The following KCTD16 variants were observed in gnomAD, a reference collection of about 807,000 sequenced individuals.
The protein encoded by KCTD16 is BTB/POZ domain-containing protein KCTD16.
KCTD16 carries 13 observed loss-of-function variants against 33.2 expected under a neutral mutation model. The ratio of observed to expected loss-of-function variants is 0.39; its 90% CI spans 0.25 to 0.62. The LOEUF is 0.62. Among genes scored for constraint, KCTD16 ranks in the 20% least tolerant of loss-of-function variants. The probability of loss-of-function intolerance (pLI) is 0.50; values close to 1 mark genes in which losing one functional copy is unlikely to be tolerated. For missense variants in KCTD16, 441 were observed against 525.1 expected (o/e 0.84, Z 1.57); for synonymous variants, 197 against 195.3 (o/e 1.01, Z -0.07).
intron 3 of KCTD16, among the ~76,000 whole-genome samples, chr5:144,405,216 A>G (rs1460072948): frequency 6.6e-6 from 1 of 152,200 alleles, no homozygotes. Context: ...TAAATTAACA[A>G]TCCATGTTAA....
At chr5:144,266,783 T>A (rs1050217264) in intron 3 of KCTD16, among the ~76,000 whole-genome samples, 13 of 86,704 alleles carry the variant, frequency 1.5e-4, no homozygotes, top group Admixed American at 1.2e-3. Context: ...AAGATTTCTA[T>A]TTTTTTTTTA....
chr5:144,460,280 A>G (rs1165907415), intron 3 of KCTD16, among the ~76,000 whole-genome samples: 1 of 152,022 alleles, frequency 6.6e-6, no homozygotes, highest in Non-Finnish European at 1.5e-5. Context: ...TAAATACATG[A>G]TCTTCACAGG....
intron 2 of KCTD16, among the ~76,000 whole-genome samples, chr5:144,179,488 AGT>A (rs1752574419): frequency 6.6e-6 from 1 of 152,086 alleles, no homozygotes; most frequent in Non-Finnish European, 1.5e-5. Flanking sequence ...CCAGGCTGTG[AGT>A]GTATGTGATT....
At position 144,311,490 on chromosome 5, in the gene KCTD16, A is replaced by G. The variant is rs115526895; in HGVS notation, c.832+103944A>G. On this transcript the variant is annotated intron_variant, in intron 3 of 3. Transcript: ENST00000512467. ...CGTAATTAGAAATAGATGCAAAGATATATAGATATAGATATCAAGAGGTGT... is the reference window on the plus strand; with the variant it reads ...CGTAATTAGAAATAGATGCAAAGATGTATAGATATAGATATCAAGAGGTGT... Among the ~76,000 whole-genome samples the G allele has an allele frequency of 9.1e-4, 139 of 152,316 alleles. 1 individual carries two copies. Among genetic ancestry groups the G allele is most frequent in the African/African-American group, 3.2e-3 (135 of 41,578 alleles).
At chr5:144,273,680 A>G (rs900567124) in intron 3 of KCTD16, among the ~76,000 whole-genome samples, 12 of 151,986 alleles carry the variant, frequency 7.9e-5, no homozygotes, top group African/African-American at 2.9e-4. Context: ...TCACAAAAAG[A>G]CAAATACTTT....
At chr5:144,417,677 C>T (rs1753095747) in intron 3 of KCTD16, among the ~76,000 whole-genome samples, 1 of 151,978 alleles carries the variant, frequency 6.6e-6, no homozygotes, top group African/African-American at 2.4e-5. Flanking sequence ...ATTACCAAAC[C>T]CAAGGTCATG....
intron 3 of KCTD16, among the ~76,000 whole-genome samples, chr5:144,390,372 G>T (rs1375005091): frequency 6.6e-6 from 1 of 152,162 alleles, no homozygotes; most frequent in Non-Finnish European, 1.5e-5. Context: ...TTGGATCTCA[G>T]AAGAGAGGGA....
intron 3 of KCTD16, among the ~76,000 whole-genome samples, chr5:144,427,433 C>G (rs1484043469): frequency 6.6e-6 from 1 of 152,040 alleles, no homozygotes; most frequent in Admixed American, 6.6e-5. Flanking sequence ...CTCCAGAACC[C>G]CTATTGTGTT....
At chr5:144,407,198 C>A (rs1049458508) in intron 3 of KCTD16, among the ~76,000 whole-genome samples, 1 of 98,542 alleles carries the variant, frequency 1.0e-5, no homozygotes, top group African/African-American at 4.7e-5. Context: ...TAAAAAAATT[C>A]CTGTTTTTTT....
At chr5:144,448,453 T>C (rs1250283280) in intron 3 of KCTD16, among the ~76,000 whole-genome samples, 1 of 152,062 alleles carries the variant, frequency 6.6e-6, no homozygotes, top group Admixed American at 6.6e-5. Flanking sequence ...GGAAAGTTTG[T>C]TGAGAAGGAT....
intron 3 of KCTD16, among the ~76,000 whole-genome samples, chr5:144,456,803 A>G (rs1271815006): frequency 1.3e-5 from 2 of 152,040 alleles, no homozygotes; most frequent in South Asian, 2.1e-4. Flanking sequence ...AAACAAAACA[A>G]TAAAAATCCT....
chr5:144,381,473 C>T (rs1752213289), intron 3 of KCTD16, among the ~76,000 whole-genome samples: 1 of 152,144 alleles, frequency 6.6e-6, no homozygotes, highest in African/African-American at 2.4e-5. Context: ...GCTCTGCAGG[C>T]TTGGAAGCAT....
In KCTD16 at chr5:144,474,092, T is replaced by A. The variant is rs759578290; in HGVS notation, c.1265T>A (p.Leu422His). 1 of 1,611,962 alleles carries A rather than the reference T, an allele frequency of 6.2e-7. No individual in the cohort carries two copies. ...AGAAAACATCCTTGGCAATCTGAAC[T>A]TTTAAGGAAGTATCATCTATAAGGG... ...PERKHPWQSELLRKYHL is the reference protein window; with the variant it reads ...PERKHPWQSEHLRKYHL The change falls in exon 4 of 4, where the codon CTT becomes CAT. Residue 422 changes from leucine to histidine, a missense_variant. Leu to His is a moderately conservative substitution (Grantham distance 99, BLOSUM62 -3). Around this residue, in one of 3 missense-constraint regions of KCTD16, gnomAD observed 355 missense variants for 413.0 expected, o/e 0.86. Transcript: ENST00000512467.
intron 3 of KCTD16, among the ~76,000 whole-genome samples, chr5:144,209,787 A>AATATATAT (rs10628313): frequency 4.7e-4 from 66 of 141,060 alleles, no homozygotes; most frequent in African/African-American, 1.6e-3. Flanking sequence ...CTTAGGGGGA[A>AATATATAT]ATATATATAT....
At chr5:144,173,643 G>T (rs1267727301) in intron 1 of KCTD16, among the ~76,000 whole-genome samples, 2 of 152,068 alleles carry the variant, frequency 1.3e-5, no homozygotes, top group Admixed American at 6.5e-5. Context: ...TGCCTGTTTA[G>T]GAATGAATTA....
At chr5:144,367,355 C>T (rs1751860171) in intron 3 of KCTD16, among the ~76,000 whole-genome samples, 1 of 152,114 alleles carries the variant, frequency 6.6e-6, no homozygotes, top group African/African-American at 2.4e-5. Context: ...ATTTCGGAGG[C>T]TTTCTCATTC....
At chr5:144,197,971 T>C (rs1025588085) in intron 2 of KCTD16, among the ~76,000 whole-genome samples, 2 of 152,212 alleles carry the variant, frequency 1.3e-5, no homozygotes, top group African/African-American at 2.4e-5. Context: ...GGAGTGTTTC[T>C]TTTAAAGGTT....
At chr5:144,309,242 G>A (rs948397317) in intron 3 of KCTD16, among the ~76,000 whole-genome samples, 1 of 152,110 alleles carries the variant, frequency 6.6e-6, no homozygotes, top group Non-Finnish European at 1.5e-5. Flanking sequence ...AGGACTTTAT[G>A]CACTCTTAGA....
intron 3 of KCTD16, among the ~76,000 whole-genome samples, chr5:144,266,074 C>T (rs1319629041): frequency 6.6e-6 from 1 of 152,142 alleles, no homozygotes; most frequent in Non-Finnish European, 1.5e-5. Flanking sequence ...ATTGCGAAAA[C>T]AGATTTTCCC....
Sources: allele counts gnomAD v4.1 joint callset (sites outside exome capture counted in the v4.1 genomes callset), GRCh38; gene constraint gnomAD v4.1.1; regional missense constraint gnomAD v4.1.1; transcripts MANE v1.5; gene names NCBI Gene and HGNC (gene_info 2026-07-23, HGNC 2026-07-21).